Variants in TMC1 observed in about 807,000 individuals in gnomAD.
TMC1 encodes the protein transmembrane channel like 1, also known as transmembrane channel-like protein 1.
Under a neutral mutation model 105.8 loss-of-function variants are expected in TMC1, and 84 were observed. The ratio of observed to expected loss-of-function variants is 0.79; its 90% CI spans 0.67 to 0.95. TMC1 has a LOEUF of 0.95. Among genes scored for constraint, TMC1 ranks in the 40% least tolerant of loss-of-function variants. The probability of loss-of-function intolerance (pLI) is 0.00; values close to 1 mark genes in which losing one functional copy is unlikely to be tolerated. For synonymous variants in TMC1, 315 were observed against 311.5 expected (o/e 1.01, Z -0.12); for missense variants, 817 against 914.1 (o/e 0.89, Z 1.37).
chr9:72,548,981 G>A (rs926751471), intron 1 of TMC1, among the ~76,000 whole-genome samples: 2 of 152,094 alleles, frequency 1.3e-5, no homozygotes, highest in South Asian at 2.1e-4. Flanking sequence ...TATTTCTAAC[G>A]CCTTGCACAG....
intron 13 of TMC1, among the ~76,000 whole-genome samples, chr9:72,784,397 ATGAC>A (rs565313470): frequency 4.4e-4 from 66 of 148,378 alleles, no homozygotes; most frequent in African/African-American, 1.7e-3. Context: ...ACCAGTCAAA[ATGAC>A]TATTGTTAAA....
intron 8 of TMC1, among the ~76,000 whole-genome samples, chr9:72,722,901 T>G (rs370549154): frequency 6.6e-6 from 1 of 152,110 alleles, no homozygotes. Context: ...TTCTTGAAAA[T>G]TTCATAATCA....
rs751236974 is a variant in TMC1 at position 72,792,384 on chromosome 9, A to C, written c.1566+32A>C. The C allele has an allele frequency of 1.9e-6, 3 of 1,613,392 alleles. No homozygotes were observed. In the South Asian group the frequency reaches 3.3e-5, roughly 18 times the overall value. ...CCACCAACAGAAGTGTATGGCAATT[A>C]GTAGATTAAAAAAAGAGAGTCAATA... On this transcript the variant is annotated intron_variant, in intron 17 of 23. Coordinates refer to ENST00000297784, the MANE Select transcript of TMC1 (RefSeq NM_138691.3).
intron 13 of TMC1, among the ~76,000 whole-genome samples, chr9:72,785,653 G>A (rs1828157751): frequency 6.6e-6 from 1 of 152,116 alleles, no homozygotes; most frequent in Non-Finnish European, 1.5e-5. Context: ...AACAACATGG[G>A]TATACTATTG....
chr9:72,659,254 C>A (rs1040219955), intron 5 of TMC1, among the ~76,000 whole-genome samples: 1 of 152,098 alleles, frequency 6.6e-6, no homozygotes, highest in African/African-American at 2.4e-5. Flanking sequence ...GAGGTGGTTC[C>A]TGCAACTGAA....
chr9:72,763,085 C>CTT (rs148498655), intron 12 of TMC1, among the ~76,000 whole-genome samples: 25 of 109,484 alleles, frequency 2.3e-4, no homozygotes, highest in South Asian at 6.2e-4. Context: ...CTAGCGATGC[C>CTT]TTTTTTTTTT....
chr9:72,686,081 G>C lies in TMC1; in HGVS notation c.17-2628G>C, dbSNP rs1421727828. Among the ~76,000 whole-genome samples the C allele has an allele frequency of 2.0e-5, 3 of 152,148 alleles. 1 individual carries two copies. The highest frequency in any genetic ancestry group is 7.2e-5 in the African/African-American group (3 of 41,432). On this transcript the variant is annotated intron_variant, in intron 5 of 23. Transcript: ENST00000297784. ...ACTGAGTCTATCTGCATGAAATGAGGATCTGGGTTGCCTAGGAGTTCATCT... is the reference window on the plus strand; with the variant it reads ...ACTGAGTCTATCTGCATGAAATGAGCATCTGGGTTGCCTAGGAGTTCATCT...
chr9:72,741,868 T>G (rs1230259304), intron 9 of TMC1, among the ~76,000 whole-genome samples: 1 of 152,194 alleles, frequency 6.6e-6, no homozygotes, highest in Non-Finnish European at 1.5e-5. Flanking sequence ...TATGACTTGT[T>G]GTCTTCTCTT....
Position 72,820,984 on chromosome 9 carries a change from T to C in TMC1, c.1906T>C (p.Tyr636His), listed in dbSNP as rs1828861215. 1 of 1,614,048 alleles carries C rather than the reference T, an allele frequency of 6.2e-7. No individual in the cohort carries two copies. The highest frequency in any genetic ancestry group is 1.3e-5 in the African/African-American group (1 of 74,914). The change falls in exon 20 of 24, where the codon TAC becomes CAC. Residue 636 changes from tyrosine to histidine, a missense_variant. By Grantham distance (83) the Tyr-to-His change is moderately conservative. Coordinates refer to ENST00000297784, the MANE Select transcript of TMC1 (RefSeq NM_138691.3). ...VFKASRSNNF[Y>H]LGMLLLILFL... is the part of the protein sequence containing the mutation. ...CAAAGCTTCCAGATCAAATAACTTC[T>C]ACCTGGGCATGCTACTGCTCATCCT... is the stretch of plus-strand genomic sequence containing the variant.
At chr9:72,614,074 C>T (rs1237747032) in intron 2 of TMC1, among the ~76,000 whole-genome samples, 1 of 152,128 alleles carries the variant, frequency 6.6e-6, no homozygotes, top group Non-Finnish European at 1.5e-5. Context: ...ACTATTGAAC[C>T]TGAGCAGAAC....
At chr9:72,775,676 A>G (rs556971509) in intron 13 of TMC1, among the ~76,000 whole-genome samples, 3 of 152,264 alleles carry the variant, frequency 2.0e-5, no homozygotes, top group South Asian at 4.2e-4. Flanking sequence ...TCGTGTTGCT[A>G]TAAAGGAATA....
At chr9:72,523,529 T>C (rs1823350852) in intron 1 of TMC1, among the ~76,000 whole-genome samples, 1 of 152,080 alleles carries the variant, frequency 6.6e-6, no homozygotes, top group African/African-American at 2.4e-5. Context: ...ATTAAGAAAA[T>C]TGTAAGGAAG....
At chr9:72,675,759 G>C (rs547374056) in intron 5 of TMC1, among the ~76,000 whole-genome samples, 90 of 152,264 alleles carry the variant, frequency 5.9e-4, no homozygotes, top group African/African-American at 2.0e-3. Context: ...AGACTGTCAA[G>C]CTCTTACTAA....
chr9:72,669,869 A>G (rs1248939005), intron 5 of TMC1, among the ~76,000 whole-genome samples: 1 of 152,232 alleles, frequency 6.6e-6, no homozygotes, highest in African/African-American at 2.4e-5. Flanking sequence ...TCAAGACATT[A>G]TACCTCAGAC....
At chr9:72,724,511 G>A (rs1827083246) in intron 8 of TMC1, among the ~76,000 whole-genome samples, 1 of 151,992 alleles carries the variant, frequency 6.6e-6, no homozygotes, top group African/African-American at 2.4e-5. Context: ...TAAACTTTAG[G>A]AGACATAGTC....
chr9:72,599,854 C>T (rs1231503836), intron 2 of TMC1, among the ~76,000 whole-genome samples: 2 of 151,912 alleles, frequency 1.3e-5, no homozygotes, highest in Non-Finnish European at 2.9e-5. Context: ...AAAGAAAATG[C>T]ACTTTTTGCT....
chr9:72,746,627 C>T (rs1323473746), intron 10 of TMC1, among the ~76,000 whole-genome samples: 1 of 152,166 alleles, frequency 6.6e-6, no homozygotes, highest in African/African-American at 2.4e-5. Context: ...TCCCAAAGCT[C>T]TGTCCAATAA....
At chr9:72,570,766 G>T in intron 1 of TMC1, among the ~76,000 whole-genome samples, 1 of 121,502 alleles carries the variant, frequency 8.2e-6, no homozygotes, top group African/African-American at 3.2e-5. Context: ...TCGGCTTACT[G>T]CAACCTCTGC....
At chr9:72,581,094 A>G (rs1824467392) in intron 2 of TMC1, among the ~76,000 whole-genome samples, 1 of 152,254 alleles carries the variant, frequency 6.6e-6, no homozygotes, top group African/African-American at 2.4e-5. Flanking sequence ...TATTTGGAAT[A>G]CATAAAAAAT....
Sources: gnomAD v4.1 joint callset for allele counts (sites outside exome capture counted in the v4.1 genomes callset) on GRCh38, gnomAD v4.1.1 for gene constraint, MANE v1.5 for transcripts, NCBI Gene and HGNC (gene_info 2026-07-23, HGNC 2026-07-21) for gene names.